Variants in PHLDB2 observed in about 807,000 individuals in gnomAD.
The protein encoded by PHLDB2 is pleckstrin homology-like domain family B member 2.
Under a neutral mutation model 123.6 loss-of-function variants are expected in PHLDB2, and 71 were observed. The ratio of observed to expected loss-of-function variants is 0.57; its 90% CI spans 0.47 to 0.70. The LOEUF (loss-of-function observed/expected upper bound fraction) is 0.70, where lower values mean the gene tolerates loss of function less well. Among genes scored for constraint, PHLDB2 ranks in the 30% least tolerant of loss-of-function variants. The pLI is 0.00. For missense variants in PHLDB2, 1,446 were observed against 1,519.5 expected, an observed-to-expected ratio of 0.95 and a Z score of 0.80; for synonymous variants, 547 against 541.6, an observed-to-expected ratio of 1.01 and a Z score of -0.14.
chr3:111,847,327 T>C (rs1301695657), intron 2 of PHLDB2, among the ~76,000 whole-genome samples: 1 of 152,138 alleles, frequency 6.6e-6, no homozygotes, highest in African/African-American at 2.4e-5. Context: ...ACTGGAGATA[T>C]GACAATGAAC....
intron 1 of PHLDB2, among the ~76,000 whole-genome samples, chr3:111,806,567 C>T (rs1395077227): frequency 4.0e-5 from 6 of 151,720 alleles, no homozygotes; most frequent in African/African-American, 9.7e-5. Context: ...TCACTGCAAC[C>T]TCTGCTTCCC....
At chr3:111,882,862 T>G (rs886959231) in intron 1 of PHLDB2, among the ~76,000 whole-genome samples, 2 of 152,144 alleles carry the variant, frequency 1.3e-5, no homozygotes, top group Non-Finnish European at 2.9e-5. Context: ...TTCATCAAGT[T>G]TTTCACCTAT....
intron 1 of PHLDB2, among the ~76,000 whole-genome samples, chr3:111,742,175 G>A (rs894330858): frequency 2.0e-5 from 3 of 152,034 alleles, no homozygotes; most frequent in East Asian, 3.8e-4. Context: ...CTTTTAACCA[G>A]TATCTGATAA....
intron 1 of PHLDB2, among the ~76,000 whole-genome samples, chr3:111,881,300 G>T: frequency 6.6e-6 from 1 of 152,150 alleles, no homozygotes; most frequent in Non-Finnish European, 1.5e-5. Flanking sequence ...GTTGTGACTT[G>T]TCTCTGCTTC....
intron 1 of PHLDB2, among the ~76,000 whole-genome samples, chr3:111,809,633 T>C (rs956208061): frequency 6.6e-5 from 10 of 152,256 alleles, no homozygotes; most frequent in African/African-American, 1.9e-4. Context: ...TTGCTTTTCT[T>C]TGTTGCTAAG....
chr3:111,746,156 C>T lies in PHLDB2; in HGVS notation c.-49+13453C>T, dbSNP rs192523085. Among the ~76,000 whole-genome samples the T allele has an allele frequency of 5.4e-4, 83 of 152,314 alleles. 1 individual carries two copies. The East Asian group carries it at 0.016, about 29-fold the overall frequency. On this transcript the variant is annotated intron_variant, in intron 1 of 17. Coordinates refer to the PHLDB2 transcript ENST00000393923. ...ACATTTGAGCATCTAGAATCAAGCA[C>T]TTTGGAGTTATGGACTGAGCGAGTC...
At chr3:111,813,163 A>ATGT (rs1277908754) in intron 1 of PHLDB2, among the ~76,000 whole-genome samples, 1 of 152,224 alleles carries the variant, frequency 6.6e-6, no homozygotes, top group African/African-American at 2.4e-5. Context: ...AGTTGGGCAG[A>ATGT]TGTTAGTAAA....
chr3:111,966,859 T>A (rs11928638), intron 14 of PHLDB2, among the ~76,000 whole-genome samples, 156 bp downstream of exon 14: 2,566 of 152,196 alleles, frequency 0.017, 71 homozygotes, highest in African/African-American at 0.059. Context: ...AAAATAAAGG[T>A]GTTAGATGAT....
At chr3:111,746,441 G>T (rs893217155) in intron 1 of PHLDB2, among the ~76,000 whole-genome samples, 1 of 152,126 alleles carries the variant, frequency 6.6e-6, no homozygotes, top group Non-Finnish European at 1.5e-5. Flanking sequence ...CATGAATAGG[G>T]TTCATGTCCA....
chr3:111,933,020 G>C (rs1348478469), intron 6 of PHLDB2, among the ~76,000 whole-genome samples: 1 of 152,216 alleles, frequency 6.6e-6, no homozygotes, highest in South Asian at 2.1e-4. Flanking sequence ...GCTTTATCAA[G>C]TTATTCTTTG....
chr3:111,973,784 A>T lies in PHLDB2; in HGVS notation c.3588A>T (p.Glu1196Asp), dbSNP rs1454675743. 5 of 1,603,140 alleles carry T rather than the reference A, an allele frequency of 3.1e-6. No individual in the cohort carries two copies. The highest frequency in any genetic ancestry group is 1.1e-5 in the South Asian group (1 of 89,402). The change falls in exon 17 of 18, where the codon GAA becomes GAT. Residue 1196 changes from glutamate (E) to aspartate (D), a missense_variant. Physicochemically the swap from Glu to Asp is conservative, Grantham distance 45. Transcript: ENST00000431670. The part of the protein sequence containing the change: ...KGVIYFQAIE[E>D]VYYDHLKNAN... ...TAATATACTTTCAAGCCATTGAAGA[A>T]GTCTATTATGATCACCTCAAGAATG...
At position 111,929,429 on chromosome 3, in the gene PHLDB2, A is replaced by G. The variant is rs150950710; in HGVS notation, c.2002-2840A>G. Among the ~76,000 whole-genome samples, 13 of 152,290 alleles carry G rather than the reference A, an allele frequency of 8.5e-5. No homozygotes were observed. In the East Asian group the frequency reaches 2.5e-3, roughly 29 times the overall value. ...AATATGGTGGAAGAGAAAAACCTCA[A>G]TCTTAATATTTTACATTTAAAAAGC... On this transcript the variant is annotated intron_variant, in intron 5 of 17. Transcript: ENST00000431670.
intron 1 of PHLDB2, 61 bp from the exon 2 acceptor site, chr3:111,884,003 C>T: frequency 6.8e-7 from 1 of 1,468,302 alleles, no homozygotes; most frequent in Non-Finnish European, 9.2e-7. Flanking sequence ...GTAGGCCTAA[C>T]AAGGGATTGT....
rs756140265 is a variant in PHLDB2, at chr3:111,884,580, A to G, written c.503A>G (p.Glu168Gly). The G allele has an allele frequency of 1.2e-6, 2 of 1,614,158 alleles. No individual in the cohort carries two copies. The highest frequency in any genetic ancestry group is 2.2e-5 in the South Asian group (2 of 91,088). The change falls in exon 2 of 18, where the codon GAA becomes GGA. Residue 168 changes from glutamate to glycine, a missense_variant. By Grantham distance (98) the Glu-to-Gly change is moderately conservative (BLOSUM62 -2). This residue lies in a region of PHLDB2 where 832 missense variants were observed against 831.9 expected (regional missense o/e 1.00). Coordinates refer to ENST00000431670, the MANE Select transcript of PHLDB2 (RefSeq NM_001134438.2). ...HDNVYSLGGL[E>G]GRKASGSLLA... The stretch of plus-strand genomic sequence containing the variant: ...AATGTCTACTCTCTTGGAGGGCTGG[A>G]AGGTCGGAAGGCATCTGGCTCGCTC...
intron 2 of PHLDB2, among the ~76,000 whole-genome samples, chr3:111,888,805 C>G (rs1213360460): frequency 4.6e-5 from 7 of 152,102 alleles, no homozygotes; most frequent in Non-Finnish European, 8.8e-5. Context: ...GCAAACTTTG[C>G]CAAATTTTTA....
At chr3:111,830,906 T>C (rs1467971040) in intron 1 of PHLDB2, among the ~76,000 whole-genome samples, 1 of 148,534 alleles carries the variant, frequency 6.7e-6, no homozygotes, top group African/African-American at 2.5e-5. Flanking sequence ...ACTCATTATA[T>C]TTCCACATTT....
chr3:111,859,739 G>C, intron 1 of PHLDB2, 163 bp downstream of exon 1: 1 of 985,502 alleles, frequency 1.0e-6, no homozygotes, highest in Non-Finnish European at 1.2e-6. Context: ...CCCGGGCCGA[G>C]GAGGGGCGCG....
intron 1 of PHLDB2, among the ~76,000 whole-genome samples, chr3:111,838,091 T>C (rs1239174701): frequency 6.6e-6 from 1 of 152,060 alleles, no homozygotes. Context: ...TTACTGAACC[T>C]ACCAACACAG....
intron 1 of PHLDB2, among the ~76,000 whole-genome samples, chr3:111,833,941 G>A (rs187392125): frequency 0.25 from 355 of 1,428 alleles, 144 homozygotes; most frequent in East Asian, 0.58. Flanking sequence ...TATATGTAAT[G>A]GAATTATATA....
Sources: gnomAD v4.1 joint callset for allele counts (sites outside exome capture counted in the v4.1 genomes callset) on GRCh38, gnomAD v4.1.1 for gene constraint, gnomAD v4.1.1 regional missense constraint, MANE v1.5 for transcripts, NCBI Gene and HGNC (gene_info 2026-07-23, HGNC 2026-07-21) for gene names.